Variants in TULP1 observed in about 807,000 individuals in gnomAD.
TULP1 encodes the protein TUB like protein 1, also known as tubby-related protein 1.
In TULP1, 50 loss-of-function variants were observed where a neutral mutation model predicts 67.1. The observed-to-expected ratio is 0.75, with a 90% CI of 0.59 to 0.94. TULP1 has a LOEUF of 0.94. Ranked by LOEUF, TULP1 falls within the 40% of genes least tolerant of loss-of-function variation. The pLI is 0.00. For synonymous variants in TULP1, 297 were observed against 294.0 expected, an observed-to-expected ratio of 1.01 and a Z score of -0.11; for missense variants, 746 against 734.1, an observed-to-expected ratio of 1.02 and a Z score of -0.19.
intron 8 of TULP1, among the ~76,000 whole-genome samples, chr6:35,506,809 G>A (rs1761097618): frequency 6.6e-6 from 1 of 152,142 alleles, no homozygotes; most frequent in Non-Finnish European, 1.5e-5. Flanking sequence ...AATCTCCTAT[G>A]AGGTCCAGAG....
chr6:35,506,607 C>G (rs1373560953), intron 8 of TULP1, among the ~76,000 whole-genome samples: 1 of 152,186 alleles, frequency 6.6e-6, no homozygotes. Flanking sequence ...TTAACACACG[C>G]TTGCATAAAT....
In TULP1 at chr6:35,498,452, T is replaced by C; in HGVS notation, c.1504A>G (p.Ile502Val). Reference protein sequence around the residue: ...QIVHADDPDYIVLQFGRVAED... With the variant: ...QIVHADDPDYVVLQFGRVAED... ...GCCACGCGGCCGAACTGCAGCACGA[T>C]ATAGTCGGCTATGGACACAAGACGG... Residue 502 changes from isoleucine (I) to valine (V), a missense_variant, in exon 15 of 15, where the codon ATC becomes GTC. Around this residue, in one of 3 missense-constraint regions of TULP1, gnomAD observed 383 missense variants for 374.1 expected, o/e 1.02. Coordinates refer to ENST00000229771, the MANE Select transcript of TULP1 (RefSeq NM_003322.6). The surrounding 1 kb of genome is among the most constrained non-coding windows in gnomAD (Gnocchi z 6.7). 6.2e-7 allele frequency: 1 copy of C among 1,613,852 alleles called. No individual in the cohort carries two copies. The highest frequency in any genetic ancestry group is 1.1e-5 in the South Asian group (1 of 91,084).
chr6:35,508,506 C>G (rs1277198413), intron 8 of TULP1, among the ~76,000 whole-genome samples: 1 of 152,316 alleles, frequency 6.6e-6, no homozygotes, highest in Non-Finnish European at 1.5e-5. Context: ...GCCCTGTCCT[C>G]GTGGTGATCT....
Position 35,510,852 on chromosome 6 carries a change from A to T in TULP1, c.499+9T>A. 1 of 1,613,708 alleles carries T rather than the reference A, an allele frequency of 6.2e-7. No homozygotes were observed. Among genetic ancestry groups the T allele is most frequent in the Non-Finnish European group, 8.5e-7 (1 of 1,180,000 alleles). On this transcript the variant is annotated intron_variant, in intron 5 of 14. Transcript: ENST00000229771. ...CCCTGTGAGCTCTCTCAGCACCCTC[A>T]GCACCCACCCCTTGGGCCCTGGGCC...
In TULP1 at chr6:35,502,188, ATTATTTAT is replaced by A. The variant is rs577668828; in HGVS notation, c.1323+1363_1323+1370del. 9.9e-5 allele frequency among the ~76,000 whole-genome samples: 15 copies of A among 151,118 alleles called. No individual in the cohort carries two copies. The South Asian group carries it at 3.1e-3, about 32-fold the overall frequency. On this transcript the variant is annotated intron_variant, in intron 13 of 14. Coordinates refer to ENST00000229771, the MANE Select transcript of TULP1 (RefSeq NM_003322.6). ...TTTAAATTTTTTCTTTTTATTTTTT[ATTATTTAT>A]TTATTTATTTATTTTGAGATGGAGT...
At chr6:35,510,071 T>G in intron 5 of TULP1, 143 bp from the exon 6 acceptor site, 1 of 734,128 alleles carries the variant, frequency 1.4e-6, no homozygotes, top group Non-Finnish European at 2.2e-6. Context: ...TTTCTTTTTT[T>G]TTTTGAGACA....
intron 8 of TULP1, among the ~76,000 whole-genome samples, chr6:35,508,921 G>T (rs1423894013): frequency 6.6e-6 from 1 of 152,094 alleles, no homozygotes; most frequent in African/African-American, 2.4e-5. Flanking sequence ...CATGGTGGGG[G>T]CGTGGGGACA....
intron 11 of TULP1, among the ~76,000 whole-genome samples, chr6:35,504,654 G>A (rs1761044947): frequency 6.6e-6 from 1 of 151,824 alleles, no homozygotes; most frequent in African/African-American, 2.4e-5. Flanking sequence ...TCCGCCTCCC[G>A]GGTTCACGCC....
rs1054313189 is a variant in TULP1 at position 35,512,845 on chromosome 6, T to A, written c.14A>T (p.Asp5Val). 1 of 1,609,400 alleles carries A rather than the reference T, an allele frequency of 6.2e-7. No homozygotes were observed. The highest frequency in any genetic ancestry group is 1.7e-5 in the Admixed American group (1 of 59,784). MPLR[D>V]ETLREVWASD... ...GGCCCACACCTCTCGGAGGGTTTCA[T>A]CCCGCAGAGGCATGGTGCCTTTGCC... Residue 5 changes from aspartate (D) to valine (V), a missense_variant, in exon 1 of 15, where the codon GAT becomes GTT. Coordinates refer to ENST00000229771, the MANE Select transcript of TULP1 (RefSeq NM_003322.6).
intron 13 of TULP1, among the ~76,000 whole-genome samples, chr6:35,501,758 G>A (rs1214537360): frequency 6.6e-6 from 1 of 152,238 alleles, no homozygotes; most frequent in Non-Finnish European, 1.5e-5. Context: ...GTTGCAGTGA[G>A]TTGCGATCAG....
intron 1 of TULP1, 43 bp from the exon 2 acceptor site, chr6:35,512,733 C>CG: frequency 1.3e-6 from 2 of 1,590,998 alleles, no homozygotes; most frequent in Non-Finnish European, 1.7e-6. Context: ...TTCCCCTTCC[C>CG]TCCCCATCCC....
intron 3 of TULP1, 47 bp downstream of exon 3, chr6:35,512,133 C>T (rs528589736): frequency 5.5e-5 from 68 of 1,227,444 alleles, no homozygotes; most frequent in Non-Finnish European, 6.6e-5. Context: ...CCCTCCCTTC[C>T]GCAGCCCACA....
chr6:35,509,486 C>T lies in TULP1; in HGVS notation c.718+148G>A, dbSNP rs768445649. 77 of 1,037,414 alleles carry T rather than the reference C, an allele frequency of 7.4e-5. No homozygotes were observed. The African/African-American group carries it at 9.2e-4, about 12-fold the overall frequency. 64.3% of individuals were successfully genotyped at this position (1,037,414 alleles called of 1,614,324 possible). On this transcript the variant is annotated intron_variant, in intron 7 of 14. Coordinates refer to ENST00000229771, the MANE Select transcript of TULP1 (RefSeq NM_003322.6). ...GCCTGAGACCGCATAGCTATCAAAG[C>T]GGGGGTCAAGATGCCCTGCACGTTG...
chr6:35,511,914 T>G, intron 3 of TULP1, 108 bp from the exon 4 acceptor site: 1 of 1,239,824 alleles, frequency 8.1e-7, no homozygotes, highest in Non-Finnish European at 1.1e-6. Context: ...CTCCTCACCC[T>G]AGGGATCTCC....
At chr6:35,501,705 G>A (rs1200135211) in intron 13 of TULP1, among the ~76,000 whole-genome samples, 2 of 152,034 alleles carry the variant, frequency 1.3e-5, no homozygotes, top group South Asian at 2.1e-4. Flanking sequence ...CCAGCTACTC[G>A]GGAGGCTGAG....
intron 6 of TULP1, 30 bp downstream of exon 6, chr6:35,509,797 G>A (rs769821170): frequency 1.2e-6 from 2 of 1,614,034 alleles, no homozygotes; most frequent in Admixed American, 1.7e-5. Flanking sequence ...CGCAACTGGA[G>A]TCCCCTGTTC....
chr6:35,502,066 C>T (rs1760978166), intron 13 of TULP1, among the ~76,000 whole-genome samples: 1 of 152,194 alleles, frequency 6.6e-6, no homozygotes, highest in African/African-American at 2.4e-5. Flanking sequence ...TGTAGGCTCA[C>T]TCCCTCACCT....
intron 7 of TULP1, 140 bp from the exon 8 acceptor site, chr6:35,509,452 AAG>A: frequency 2.8e-6 from 3 of 1,087,948 alleles, no homozygotes; most frequent in Non-Finnish European, 4.2e-6. Context: ...CAAAAAGGCT[AAG>A]ACACCTGCCT....
rs764036030 is a variant in TULP1, at chr6:35,509,283, C to T, written c.748G>A (p.Glu250Lys). Residue 250 changes from glutamate to lysine, a missense_variant, in exon 8 of 15, where the codon GAA becomes AAA. Physicochemically the swap from Glu to Lys is moderately conservative, Grantham distance 56 (BLOSUM62 1). Transcript: ENST00000229771. Reference protein sequence around the residue: ...GTPKGARKEEEEEEEAATVIK... With the variant: ...GTPKGARKEEKEEEEAATVIK... Reference sequence around the variant, plus strand: ...ACCGTAGCTGCCTCCTCCTCCTCTTCTTCCTCCTTCCTCGCGCCTTTGGGA... The same window carrying T: ...ACCGTAGCTGCCTCCTCCTCCTCTTTTTCCTCCTTCCTCGCGCCTTTGGGA... 6.2e-7 allele frequency: 1 copy of T among 1,614,036 alleles called. No individual in the cohort carries two copies. The highest frequency in any genetic ancestry group is 2.2e-5 in the East Asian group (1 of 44,870).
Sources: gnomAD v4.1 joint callset for allele counts (sites outside exome capture counted in the v4.1 genomes callset) on GRCh38, gnomAD v4.1.1 for gene constraint, gnomAD v4.1.1 regional missense constraint, Gnocchi (gnomAD v3.1) non-coding constraint, MANE v1.5 for transcripts, NCBI Gene and HGNC (gene_info 2026-07-23, HGNC 2026-07-21) for gene names.